The following CACNA1A variants were observed in gnomAD, a reference collection of about 807,000 sequenced individuals.
The protein encoded by CACNA1A is calcium voltage-gated channel subunit alpha1 A.
CACNA1A carries 57 observed loss-of-function variants against 262.4 expected under a neutral mutation model. The ratio of observed to expected loss-of-function variants is 0.22; its 90% CI spans 0.18 to 0.27. The LOEUF is 0.27. Among genes scored for constraint, CACNA1A ranks in the 10% least tolerant of loss-of-function variants. The probability of loss-of-function intolerance (pLI) is 1.00; values close to 1 mark genes in which losing one functional copy is unlikely to be tolerated. For synonymous variants in CACNA1A, 1,431 were observed against 1,419.3 expected (o/e 1.01, Z -0.18); for missense variants, 2,526 against 3,562.8 (o/e 0.71, Z 7.41).
At chr19:13,389,384 C>T (rs761990156) in intron 3 of CACNA1A, among the ~76,000 whole-genome samples, 1 of 152,082 alleles carries the variant, frequency 6.6e-6, no homozygotes, top group Non-Finnish European at 1.5e-5. Context: ...ATTCTCGTAC[C>T]TGCCCCTAAC....
intron 20 of CACNA1A, 118 bp from the exon 21 acceptor site, chr19:13,285,324 A>G (rs912077774): frequency 1.9e-6 from 2 of 1,053,868 alleles, no homozygotes; most frequent in Non-Finnish European, 2.8e-6. Flanking sequence ...TGCCTGCTGT[A>G]TATACCAGGC....
chr19:13,241,557 C>CGGGGGGGAGG lies in CACNA1A; in HGVS notation c.4950+3624_4950+3625insCCTCCCCCCC. The stretch of plus-strand genomic sequence containing the variant: ...TGCAGATGTTGAAGATGAGGGGGAG[C>CGGGGGGGAGG]GGGCGGGCGGGGGCAGTTGGGGAGG... On this transcript the variant is annotated intron_variant, in intron 31 of 46. Coordinates refer to ENST00000360228, the MANE Select transcript of CACNA1A (RefSeq NM_001127222.2). This position sits in a 1 kb window ranked among gnomAD's most constrained non-coding sequence, Gnocchi z 4.0. The CGGGGGGGAGG allele has an allele frequency of 4.6e-6, 1 of 216,100 alleles. No homozygotes were observed. Among genetic ancestry groups the CGGGGGGGAGG allele is most frequent in the Admixed American group, 5.8e-5 (1 of 17,200 alleles). The allele number at this position is 216,100 out of a possible 1,614,324, so 13.4% of individuals were successfully genotyped here.
At chr19:13,436,115 G>A (rs986557497) in intron 3 of CACNA1A, among the ~76,000 whole-genome samples, 18 of 152,126 alleles carry the variant, frequency 1.2e-4, no homozygotes, top group Non-Finnish European at 2.1e-4. Flanking sequence ...GTGAGCCACC[G>A]TGCCTGGCCT....
chr19:13,430,278 C>T (rs925744108), intron 3 of CACNA1A, among the ~76,000 whole-genome samples: 2 of 152,040 alleles, frequency 1.3e-5, no homozygotes, highest in African/African-American at 4.8e-5. Context: ...ATGATCTCAG[C>T]TCACTGCAAC....
At chr19:13,208,435 G>C (rs1037114379) in intron 46 of CACNA1A, among the ~76,000 whole-genome samples, 3 of 151,620 alleles carry the variant, frequency 2.0e-5, no homozygotes, top group East Asian at 3.9e-4. Flanking sequence ...CAGAAGCCGG[G>C]TTAAAGGAAA....
intron 3 of CACNA1A, among the ~76,000 whole-genome samples, chr19:13,389,748 T>C (rs1357995393): frequency 6.6e-6 from 1 of 152,144 alleles, no homozygotes; most frequent in Non-Finnish European, 1.5e-5. Flanking sequence ...GCTGTGTTAT[T>C]CTGGTTGACT....
intron 3 of CACNA1A, among the ~76,000 whole-genome samples, chr19:13,440,139 T>C (rs1426906737): frequency 6.6e-6 from 1 of 152,136 alleles, no homozygotes; most frequent in Non-Finnish European, 1.5e-5. Context: ...AAAAAATTTT[T>C]AAGAGATAGG....
Position 13,348,622 on chromosome 19 carries a change from G to A in CACNA1A, c.978+10984C>T, listed in dbSNP as rs181748330. 1.7e-3 allele frequency among the ~76,000 whole-genome samples: 262 copies of A among 152,346 alleles called. 2 individuals are homozygous for A. Among genetic ancestry groups the A allele is most frequent in the African/African-American group, 5.8e-3 (243 of 41,588 alleles). ...GGAGGCCAAGGCGGGCGAATCATGA[G>A]CTCAGGAGATCGAGACCATCCTGGC... On this transcript the variant is annotated intron_variant, in intron 6 of 46. Coordinates refer to ENST00000360228, the MANE Select transcript of CACNA1A (RefSeq NM_001127222.2).
intron 1 of CACNA1A, among the ~76,000 whole-genome samples, chr19:13,464,795 A>C (rs545021921): frequency 2.8e-4 from 42 of 151,522 alleles, no homozygotes; most frequent in African/African-American, 9.5e-4. Context: ...TGATCTGCCC[A>C]CCTTGGCCTC....
intron 21 of CACNA1A, chr19:13,283,926 G>A (rs2057346221): frequency 6.6e-6 from 1 of 152,516 alleles, no homozygotes; most frequent in Non-Finnish European, 1.5e-5. Context: ...ATTTATGCCT[G>A]GCTCATGATA....
At chr19:13,298,454 T>A in intron 19 of CACNA1A, 90 bp downstream of exon 19, 1 of 1,230,796 alleles carries the variant, frequency 8.1e-7, no homozygotes, top group Middle Eastern at 2.0e-4. Context: ...TAATATATTT[T>A]TATAAACAAA....
At chr19:13,219,042 A>ATT (rs554840529) in intron 38 of CACNA1A, among the ~76,000 whole-genome samples, 10 of 118,012 alleles carry the variant, frequency 8.5e-5, no homozygotes, top group Admixed American at 1.8e-4. Flanking sequence ...CCCTTTGCAG[A>ATT]TTTTTTTTTT....
rs141313518 is a variant in CACNA1A, at chr19:13,256,910, CAT to C, written c.4590+438_4590+439del. On this transcript the variant is annotated intron_variant, in intron 28 of 46. Coordinates refer to ENST00000360228, the MANE Select transcript of CACNA1A (RefSeq NM_001127222.2). ...GCTGATGAAATGTGAGCAGAAGTGA[CAT>C]GTGTAATTTTTGAGCACAAGCCTGA... 1,172 of 157,750 alleles carry C rather than the reference CAT, an allele frequency of 7.4e-3. 12 individuals carry two copies. Among genetic ancestry groups the C allele is most frequent in the African/African-American group, 0.025 (1,042 of 41,624 alleles). 9.8% of individuals were successfully genotyped at this position (157,750 alleles called of 1,614,324 possible).
rs3050832 is a variant in CACNA1A, at chr19:13,268,893, C to CTTT, written c.3990-6063_3990-6061dup. On this transcript the variant is annotated intron_variant, in intron 24 of 46. Transcript: ENST00000360228. ...CATACGTAGAATCATATAGATTCTA[C>CTTT]TTTTTTTTTTTTTTTTTTTTTTTTT... Among the ~76,000 whole-genome samples the CTTT allele has an allele frequency of 4.4e-3, 478 of 107,816 alleles. 1 individual carries two copies. Among genetic ancestry groups the CTTT allele is most frequent in the Middle Eastern group, 6.5e-3 (1 of 154 alleles). The allele number at this position is 107,816 out of a possible 152,430, so 70.7% of individuals were successfully genotyped here.
intron 30 of CACNA1A, among the ~76,000 whole-genome samples, chr19:13,248,924 G>A (rs2056324267): frequency 6.6e-6 from 1 of 151,998 alleles, no homozygotes; most frequent in Admixed American, 6.6e-5. Flanking sequence ...AACATCTAGG[G>A]GTTTGCTCAG....
intron 5 of CACNA1A, chr19:13,364,365 C>A (rs2059168838): frequency 6.6e-6 from 1 of 152,276 alleles, no homozygotes; most frequent in Admixed American, 6.5e-5. Context: ...CTCTGTCTCT[C>A]ACCTTCCACA....
At chr19:13,270,762 G>A (rs1245983096) in intron 24 of CACNA1A, among the ~76,000 whole-genome samples, 1 of 152,202 alleles carries the variant, frequency 6.6e-6, no homozygotes, top group Non-Finnish European at 1.5e-5. Flanking sequence ...TGGGGAGGGT[G>A]TGGTAGGCGT....
intron 3 of CACNA1A, among the ~76,000 whole-genome samples, chr19:13,438,766 C>T (rs914859278): frequency 2.0e-5 from 3 of 151,990 alleles, no homozygotes; most frequent in Non-Finnish European, 4.4e-5. Flanking sequence ...GTTACACAGC[C>T]GTATTATGGC....
chr19:13,485,182 T>G (rs542917715), intron 1 of CACNA1A, among the ~76,000 whole-genome samples: 2 of 152,166 alleles, frequency 1.3e-5, no homozygotes, highest in Non-Finnish European at 2.9e-5. Context: ...CTGGGACAAT[T>G]CTTATGGAAT....
Sources: gnomAD v4.1 joint callset for allele counts (sites outside exome capture counted in the v4.1 genomes callset) on GRCh38, gnomAD v4.1.1 for gene constraint, Gnocchi (gnomAD v3.1) non-coding constraint, MANE v1.5 for transcripts, NCBI Gene and HGNC (gene_info 2026-07-23, HGNC 2026-07-21) for gene names.